EPRS1: variants seen among roughly 807,000 people sequenced by gnomAD.
EPRS1 encodes the protein glutamyl-prolyl-tRNA synthetase 1, also known as bifunctional glutamate/proline--tRNA ligase.
Under a neutral mutation model 188.3 loss-of-function variants are expected in EPRS1, and 107 were observed. The observed-to-expected ratio is 0.57, with a 90% confidence interval of 0.49 to 0.67. The LOEUF (loss-of-function observed/expected upper bound fraction) is 0.67, where lower values mean the gene tolerates loss of function less well. Ranked by LOEUF, EPRS1 falls within the 30% of genes least tolerant of loss-of-function variation. The pLI is 0.00. For synonymous variants in EPRS1, 596 were observed against 593.1 expected (o/e 1.00, Z -0.07); for missense variants, 1,577 against 1,802.2 (o/e 0.88, Z 2.26).
At chr1:220,036,258 G>A (rs1403469611) in intron 2 of EPRS1, among the ~76,000 whole-genome samples, 1 of 152,124 alleles carries the variant, frequency 6.6e-6, no homozygotes, top group Non-Finnish European at 1.5e-5. Flanking sequence ...TCAAACCACT[G>A]TAAAAAGCAG....
At chr1:219,987,440 T>A (rs1273166728) in intron 19 of EPRS1, 36 bp from the exon 20 acceptor site, 1 of 1,530,574 alleles carries the variant, frequency 6.5e-7, no homozygotes, top group South Asian at 1.2e-5. Flanking sequence ...GAGAAGACAG[T>A]ATTTAACTCA....
chr1:219,997,751 T>A (rs1217963844), intron 17 of EPRS1, among the ~76,000 whole-genome samples: 2 of 152,132 alleles, frequency 1.3e-5, no homozygotes, highest in African/African-American at 4.8e-5. Context: ...CCCATCAAGT[T>A]GATGGGAAAA....
In EPRS1 at chr1:219,997,006, G is replaced by C. The variant is rs760789919; in HGVS notation, c.2518C>G (p.Leu840Val). The C allele has an allele frequency of 3.1e-6, 5 of 1,603,756 alleles. No homozygotes were observed. Among genetic ancestry groups the C allele is most frequent in the Admixed American group, 1.7e-5 (1 of 58,676 alleles). ...ACCTTAGGGGATTTTTCAGCTTTTA[G>C]CTTACGAACCACCTCCCCTTGTGCA... ...VAAQGEVVRKLKAEKSPKAKI... is the reference protein window; with the variant it reads ...VAAQGEVVRKVKAEKSPKAKI... Residue 840 changes from leucine to valine, a missense_variant, in exon 18 of 32, where the codon CTA (leucine) becomes GTA (valine). Leu to Val is a conservative substitution (Grantham distance 32, BLOSUM62 1). This residue lies in a region of EPRS1 where 1,278 missense variants were observed against 1,457.4 expected (regional missense o/e 0.88). Coordinates refer to ENST00000366923, the MANE Select transcript of EPRS1 (RefSeq NM_004446.3).
chr1:220,034,864 A>C (rs1288137431), intron 3 of EPRS1, 50 bp downstream of exon 3: 1 of 1,043,320 alleles, frequency 9.6e-7, no homozygotes. Flanking sequence ...TTCCCATAAA[A>C]AAACAGAAGC....
rs751868893 is a variant in EPRS1, at chr1:219,969,085, T to G, written c.4361A>C (p.Glu1454Ala). 6.2e-7 allele frequency: 1 copy of G among 1,613,318 alleles called. No individual in the cohort carries two copies. Among genetic ancestry groups the G allele is most frequent in the Non-Finnish European group, 8.5e-7 (1 of 1,179,260 alleles). ...QIPFCGEIDC[E>A]DWIKKTTARD... ...GGCAGTGGTCTTTTTGATCCAGTCC[T>G]CACAGTCAATTTCCCCACAGAATGG... The change falls in exon 31 of 32, where the codon GAG becomes GCG. Residue 1454 changes from glutamate to alanine, a missense_variant. Glu to Ala is a moderately radical substitution (Grantham distance 107). Transcript: ENST00000366923.
At position 220,018,519 on chromosome 1, in the gene EPRS1, A is replaced by G. The variant is rs770503847; in HGVS notation, c.1435-11T>C. ...TGAACGTGAGGAGCCCTAAAAAACA[A>G]TAACAACATGATTTTAAGGGCAAGC... On this transcript the variant is annotated splice_polypyrimidine_tract_variant and intron_variant, in intron 11 of 31. Coordinates refer to ENST00000366923, the MANE Select transcript of EPRS1 (RefSeq NM_004446.3). 26 of 1,600,166 alleles carry G rather than the reference A, an allele frequency of 1.6e-5. No individual in the cohort carries two copies. In the South Asian group the frequency reaches 1.8e-4, roughly 11 times the overall value.
chr1:219,989,711 G>A (rs1048966669), intron 18 of EPRS1, among the ~76,000 whole-genome samples: 4 of 152,164 alleles, frequency 2.6e-5, no homozygotes, highest in Admixed American at 2.6e-4. Context: ...AGGCAGCAAA[G>A]CACATTTCCT....
At chr1:220,044,848 T>A (rs1440464609) in intron 1 of EPRS1, among the ~76,000 whole-genome samples, 1 of 152,120 alleles carries the variant, frequency 6.6e-6, no homozygotes, top group Non-Finnish European at 1.5e-5. Context: ...GTTTCACAAC[T>A]AGTAAGTGGC....
chr1:219,987,192 C>T lies in EPRS1; in HGVS notation c.2988G>A (p.Gly996=). The change falls in exon 20 of 32, where the codon GGG becomes GGA. Residue 996 remains glycine, a synonymous_variant. Transcript: ENST00000366923. ...RKDPSKNQGG[G]LSSSGAGEGQ... ...CTTCTCCTGCTCCACTTGATGAGAG[C>T]CCACCTCCTTGGTTTTTAGAAGGGT... 1 of 1,614,086 alleles carries T rather than the reference C, an allele frequency of 6.2e-7. No homozygotes were observed. Among genetic ancestry groups the T allele is most frequent in the Non-Finnish European group, 8.5e-7 (1 of 1,179,992 alleles).
chr1:219,969,445 C>A (rs745840244), intron 30 of EPRS1, among the ~76,000 whole-genome samples: 12 of 152,220 alleles, frequency 7.9e-5, no homozygotes, highest in Middle Eastern at 3.4e-3. Context: ...ATATCTCCCT[C>A]ATTTCAAACC....
At chr1:219,984,487 T>G (rs1209231034) in intron 20 of EPRS1, among the ~76,000 whole-genome samples, 1 of 152,222 alleles carries the variant, frequency 6.6e-6, no homozygotes, top group Non-Finnish European at 1.5e-5. Context: ...GGTGTGATCC[T>G]GTCTCACTGC....
intron 2 of EPRS1, among the ~76,000 whole-genome samples, chr1:220,036,525 C>A (rs1662183829): frequency 6.6e-6 from 1 of 152,038 alleles, no homozygotes; most frequent in Middle Eastern, 3.4e-3. Context: ...AAGATCATGT[C>A]TTTTGCAGCA....
At chr1:220,004,189 G>A (rs963335684) in intron 16 of EPRS1, among the ~76,000 whole-genome samples, 3 of 151,994 alleles carry the variant, frequency 2.0e-5, no homozygotes, top group Non-Finnish European at 4.4e-5. Context: ...CACCATGCCT[G>A]GTTAATTCTT....
chr1:220,042,503 AAAAG>A (rs1039542058), intron 1 of EPRS1, among the ~76,000 whole-genome samples: 1 of 151,996 alleles, frequency 6.6e-6, no homozygotes, highest in Non-Finnish European at 1.5e-5. Context: ...AAAAAAAGAA[AAAAG>A]AAAGAAAGGA....
rs77169959 is a variant in EPRS1, at chr1:219,990,728, T to A, written c.2542-1905A>T. On this transcript the variant is annotated intron_variant, in intron 18 of 31. Coordinates refer to ENST00000366923, the MANE Select transcript of EPRS1 (RefSeq NM_004446.3). ...GAGATGTTTGACTATTACTTTGAAT[T>A]TATCTCTTAGAATACACAATGAAGA... Among the ~76,000 whole-genome samples, 1,046 of 152,258 alleles carry A rather than the reference T, an allele frequency of 6.9e-3. 10 individuals are homozygous for A. The highest frequency in any genetic ancestry group is 0.017 in the Middle Eastern group (5 of 292).
intron 17 of EPRS1, among the ~76,000 whole-genome samples, chr1:220,000,596 T>C (rs1038752655): frequency 6.6e-6 from 1 of 152,246 alleles, no homozygotes; most frequent in African/African-American, 2.4e-5. Context: ...TTTATTATTT[T>C]TACATGAATT....
At chr1:219,982,736 G>C (rs1660922993) in intron 23 of EPRS1, 36 bp downstream of exon 23, 4 of 1,551,110 alleles carry the variant, frequency 2.6e-6, no homozygotes, top group Non-Finnish European at 2.7e-6. Flanking sequence ...CTAACGTTCA[G>C]TGAGCATTCT....
chr1:219,981,920 T>C (rs1436501293), intron 23 of EPRS1, among the ~76,000 whole-genome samples: 3 of 152,222 alleles, frequency 2.0e-5, no homozygotes, highest in Admixed American at 6.5e-5. Context: ...CCAGCAGTTA[T>C]GTATGAGAAG....
chr1:220,030,527 G>T, intron 5 of EPRS1, 47 bp from the exon 6 acceptor site: 1 of 1,376,624 alleles, frequency 7.3e-7, no homozygotes, highest in Non-Finnish European at 1.0e-6. Context: ...ATGGTTAAAT[G>T]TCTAAGAACA....
Sources: allele counts gnomAD v4.1 joint callset (sites outside exome capture counted in the v4.1 genomes callset), GRCh38; gene constraint gnomAD v4.1.1; regional missense constraint gnomAD v4.1.1; transcripts MANE v1.5; gene names NCBI Gene and HGNC (gene_info 2026-07-23, HGNC 2026-07-21).